The following PPIA variants were observed in gnomAD, a reference collection of about 807,000 sequenced individuals.
The protein encoded by PPIA is peptidylprolyl isomerase A, also known as peptidyl-prolyl cis-trans isomerase A.
A neutral mutation model predicts 15.3 loss-of-function variants in PPIA; 2 were observed. That is an observed-to-expected ratio of 0.13 (90% CI 0.05 to 0.41). The LOEUF (loss-of-function observed/expected upper bound fraction) is 0.41. PPIA is among the 10% of genes least tolerant of loss of function. The pLI, the probability that PPIA is intolerant of heterozygous loss-of-function variation, is 0.99. For synonymous variants in PPIA, 67 were observed against 73.1 expected, an observed-to-expected ratio of 0.92 and a Z score of 0.43; for missense variants, 103 against 210.3, an observed-to-expected ratio of 0.49 and a Z score of 3.16.
chr7:44,799,620 G>C, intron 3 of PPIA, 82 bp from the exon 4 acceptor site: 1 of 1,589,318 alleles, frequency 6.3e-7, no homozygotes, highest in Non-Finnish European at 8.6e-7. Flanking sequence ...GTTTGAACTT[G>C]GGTTTAAAGT....
At chr7:44,799,168 T>G in intron 1 of PPIA, 79 bp from the exon 2 acceptor site, 1 of 1,437,178 alleles carries the variant, frequency 7.0e-7, no homozygotes, top group East Asian at 2.3e-5. Flanking sequence ...AATGAATTTA[T>G]GACTCAGAAG....
At chr7:44,796,835 G>C in intron 1 of PPIA, 42 bp downstream of exon 1, 1 of 1,579,558 alleles carries the variant, frequency 6.3e-7, no homozygotes, top group Non-Finnish European at 8.6e-7. Context: ...CCCAGAAAGT[G>C]GGCCGGGGTC....
chr7:44,801,339 G>A lies in PPIA; in HGVS notation c.415G>A (p.Val139Met). ...CAAAGTGAAAGAAGGCATGAATATT[G>A]TGGAGGCCATGGAGCGCTTTGGGTC... ...FGKVKEGMNI[V>M]EAMERFGSRN... Residue 139 changes from valine (V) to methionine (M), a missense_variant, in exon 5 of 5, where the codon GTG becomes ATG. Transcript: ENST00000468812. 6.2e-7 allele frequency: 1 copy of A among 1,611,708 alleles called. No homozygotes were observed. Among genetic ancestry groups the A allele is most frequent in the Non-Finnish European group, 8.5e-7 (1 of 1,178,776 alleles).
intron 4 of PPIA, 93 bp from the exon 5 acceptor site, chr7:44,801,194 A>AAG: frequency 7.3e-7 from 1 of 1,366,862 alleles, no homozygotes; most frequent in South Asian, 1.3e-5. Flanking sequence ...GTTAAAAAAA[A>AAG]AAAAAAAAGC....
rs1792599648 is a variant in PPIA at position 44,802,537 on chromosome 7, A to C, written c.*1115A>C. On this transcript the variant is annotated 3_prime_UTR_variant, in exon 5 of 5. Transcript: ENST00000468812. ...TTTAGGCTGTAGGTCAAGTTTATAC[A>C]TCTTAATTATGGTGGAATTCCTATG... 1 of 152,110 alleles carries C rather than the reference A, an allele frequency of 6.6e-6. No individual in the cohort carries two copies. The highest frequency in any genetic ancestry group is 2.4e-5 in the African/African-American group (1 of 41,432). 9.4% of individuals were successfully genotyped at this position (152,110 alleles called of 1,614,324 possible). A position where few individuals can be genotyped will look rare whatever the true frequency, so the allele number is the denominator to read the frequency against.
chr7:44,798,711 A>C, intron 1 of PPIA: 1 of 979,508 alleles, frequency 1.0e-6, no homozygotes, highest in Non-Finnish European at 1.2e-6. Flanking sequence ...AACCAGATAT[A>C]CTAGAAACCA....
chr7:44,797,662 A>G (rs1792420424), intron 1 of PPIA, among the ~76,000 whole-genome samples: 1 of 152,252 alleles, frequency 6.6e-6, no homozygotes, highest in Admixed American at 6.5e-5. Flanking sequence ...TGAGAGCGTT[A>G]AATGAGTTCT....
chr7:44,799,261 G>A lies in PPIA; in HGVS notation c.84G>A (p.Lys28=). The A allele has an allele frequency of 3.7e-6, 6 of 1,613,648 alleles. No homozygotes were observed. Among genetic ancestry groups the A allele is most frequent in the Non-Finnish European group, 5.1e-6 (6 of 1,179,874 alleles). Reference sequence around the variant, plus strand: ...TTCTCTTACAGCTGTTTGCAGACAAGGTCCCAAAGACAGCAGGTTGGTCCA... The same window carrying A: ...TTCTCTTACAGCTGTTTGCAGACAAAGTCCCAAAGACAGCAGGTTGGTCCA... The part of the protein sequence containing the change: ...GRVSFELFAD[K]VPKTAENFRA... The change falls in exon 2 of 5, where the codon AAG becomes AAA. Residue 28 remains lysine (K), a synonymous_variant. Transcript: ENST00000468812.
chr7:44,801,688 C>T lies in PPIA; in HGVS notation c.*266C>T. On this transcript the variant is annotated 3_prime_UTR_variant, in exon 5 of 5. Transcript: ENST00000468812. Reference sequence around the variant, plus strand: ...CTTTATTTTAAGCAGTAATGGGTTACTTCTGAAACATCACTTGTTTGCTTA... The same window carrying T: ...CTTTATTTTAAGCAGTAATGGGTTATTTCTGAAACATCACTTGTTTGCTTA... 2 of 345,034 alleles carry T rather than the reference C, an allele frequency of 5.8e-6. No homozygotes were observed. The highest frequency in any genetic ancestry group is 5.4e-6 in the Non-Finnish European group (1 of 186,794). 21.4% of individuals were successfully genotyped at this position (345,034 alleles called of 1,614,324 possible).
chr7:44,797,719 T>C (rs898471951), intron 1 of PPIA, among the ~76,000 whole-genome samples: 1 of 152,246 alleles, frequency 6.6e-6, no homozygotes, highest in Admixed American at 6.5e-5. Context: ...TTGGCGCGTG[T>C]CTTCAAAGTT....
chr7:44,797,916 G>GCCTA (rs1792429190), intron 1 of PPIA: 1 of 152,188 alleles, frequency 6.6e-6, no homozygotes, highest in African/African-American at 2.4e-5. Flanking sequence ...TTTCCTTGTT[G>GCCTA]CCTACCCTGT....
rs149705415 is a variant in PPIA, at chr7:44,798,684, A to G, written c.70-563A>G. On this transcript the variant is annotated intron_variant, in intron 1 of 4. Coordinates refer to ENST00000468812, the MANE Select transcript of PPIA (RefSeq NM_021130.5). ...CCTCTCTAGCCATAACGTATTATAC[A>G]TTCAAGAAAGGTTCAAAACCAGATA... 1.3e-5 allele frequency: 12 copies of G among 922,842 alleles called. No homozygotes were observed. In the East Asian group the frequency reaches 1.4e-3, roughly 109 times the overall value. The allele number at this position is 922,842 out of a possible 1,614,324, so 57.2% of individuals were successfully genotyped here. A position where few individuals can be genotyped will look rare whatever the true frequency, so the allele number is the denominator to read the frequency against.
chr7:44,799,980 T>G, intron 4 of PPIA, 106 bp downstream of exon 4: 2 of 1,189,054 alleles, frequency 1.7e-6, no homozygotes, highest in Non-Finnish European at 2.4e-6. Context: ...CACAGACTTT[T>G]TCATCCCTAA....
chr7:44,797,389 T>G (rs912405232), intron 1 of PPIA, among the ~76,000 whole-genome samples: 7 of 152,362 alleles, frequency 4.6e-5, no homozygotes, highest in African/African-American at 1.4e-4. Context: ...ACTTGAAATA[T>G]CTTCCATTTG....
intron 3 of PPIA, 75 bp downstream of exon 3, chr7:44,799,555 A>G: frequency 6.4e-7 from 1 of 1,572,536 alleles, no homozygotes; most frequent in Non-Finnish European, 8.7e-7. Flanking sequence ...ATTTCAGGAT[A>G]CACATATCTG....
chr7:44,798,658 A>T, intron 1 of PPIA: 1 of 813,282 alleles, frequency 1.2e-6, no homozygotes, highest in Non-Finnish European at 1.5e-6. Context: ...TATTTAAGCT[A>T]CCTCTCTAGC....
Position 44,796,779 on chromosome 7 carries a change from C to T in PPIA, c.55C>T (p.Arg19Cys). 8 of 1,607,760 alleles carry T rather than the reference C, an allele frequency of 5.0e-6. No homozygotes were observed. Among genetic ancestry groups the T allele is most frequent in the Non-Finnish European group, 6.8e-6 (8 of 1,177,880 alleles). The part of the protein sequence containing the change: ...DIAVDGEPLG[R>C]VSFELFADKV... ...TGCCGTCGACGGCGAGCCCTTGGGC[C>T]GCGTCTCCTTTGAGGTCGGGCGGGC... Residue 19 changes from arginine to cysteine, a missense_variant, in exon 1 of 5, where the codon CGC becomes TGC. By Grantham distance (180) the Arg-to-Cys change is radical (BLOSUM62 -3). Coordinates refer to ENST00000468812, the MANE Select transcript of PPIA (RefSeq NM_021130.5).
rs949442264 is a variant in PPIA at position 44,798,871 on chromosome 7, C to A, written c.70-376C>A. On this transcript the variant is annotated intron_variant, in intron 1 of 4. Transcript: ENST00000468812. ...GAACAGCTGTTTACCCCTGATCGTG[C>A]AGCAGTGCTTGCTGTTCCTTAGAAT... is the stretch of plus-strand genomic sequence containing the variant. 6 of 1,031,396 alleles carry A rather than the reference C, an allele frequency of 5.8e-6. No individual in the cohort carries two copies. In the South Asian group the frequency reaches 2.3e-4, roughly 40 times the overall value. The allele number at this position is 1,031,396 out of a possible 1,614,324, so 63.9% of individuals were successfully genotyped here. A position where few individuals can be genotyped will look rare whatever the true frequency, so the allele number is the denominator to read the frequency against.
chr7:44,799,010 TCTCA>T, intron 1 of PPIA: 4 of 1,168,036 alleles, frequency 3.4e-6, no homozygotes, highest in South Asian at 2.4e-5. Flanking sequence ...TTTCTAGAAG[TCTCA>T]CTATTTAAGT....
Sources: allele counts gnomAD v4.1 joint callset (sites outside exome capture counted in the v4.1 genomes callset), GRCh38; gene constraint gnomAD v4.1.1; transcripts MANE v1.5; gene names NCBI Gene and HGNC (gene_info 2026-07-23, HGNC 2026-07-21).